Variants in CD2AP observed in about 807,000 individuals in gnomAD.
CD2AP encodes the protein CD2-associated protein.
CD2AP carries 46 observed loss-of-function variants against 85.1 expected under a neutral mutation model. That is an observed-to-expected ratio of 0.54 (90% CI 0.43 to 0.69). The LOEUF is 0.69. Among genes scored for constraint, CD2AP ranks in the 30% least tolerant of loss-of-function variants. CD2AP has a pLI of 0.00. For missense variants in CD2AP, 769 were observed against 729.5 expected, an observed-to-expected ratio of 1.05 and a Z score of -0.62; for synonymous variants, 255 against 252.9, an observed-to-expected ratio of 1.01 and a Z score of -0.08.
At chr6:47,561,616 T>C (rs1178197726) in intron 5 of CD2AP, among the ~76,000 whole-genome samples, 1 of 152,220 alleles carries the variant, frequency 6.6e-6, no homozygotes, top group East Asian at 1.9e-4. Context: ...CCCATACCTC[T>C]ACCCATATGT....
intron 11 of CD2AP, among the ~76,000 whole-genome samples, chr6:47,588,213 T>C (rs1768682641): frequency 6.6e-6 from 1 of 152,140 alleles, no homozygotes; most frequent in Non-Finnish European, 1.5e-5. Flanking sequence ...TTACCTACAC[T>C]ATTTAAAAGT....
Position 47,626,083 on chromosome 6 carries a change from GATCC to G in CD2AP, c.*1857_*1860del. The stretch of plus-strand genomic sequence containing the variant: ...TTCTCACCTGAAAATCTATTGAAGT[GATCC>G]CTGGTCATCCTAATAATGGGATGAG... On this transcript the variant is annotated 3_prime_UTR_variant, in exon 18 of 18. Coordinates refer to ENST00000359314, the MANE Select transcript of CD2AP (RefSeq NM_012120.3). The G allele has an allele frequency of 6.6e-6, 1 of 152,000 alleles. No individual in the cohort carries two copies. Among genetic ancestry groups the G allele is most frequent in the Middle Eastern group, 3.4e-3 (1 of 294 alleles). The allele number at this position is 152,000 out of a possible 1,614,324, so 9.4% of individuals were successfully genotyped here.
At chr6:47,607,450 C>G (rs1166543831) in intron 14 of CD2AP, among the ~76,000 whole-genome samples, 2 of 152,044 alleles carry the variant, frequency 1.3e-5, no homozygotes, top group African/African-American at 4.8e-5. Flanking sequence ...ATCTCCATAT[C>G]CTTGCCAGTA....
intron 11 of CD2AP, among the ~76,000 whole-genome samples, chr6:47,583,830 G>C (rs957283581): frequency 6.6e-6 from 1 of 152,118 alleles, no homozygotes; most frequent in Admixed American, 6.5e-5. Context: ...TTTTGTAGGC[G>C]CAACTGCCAA....
At chr6:47,517,465 A>AT (rs1391643596) in intron 2 of CD2AP, among the ~76,000 whole-genome samples, 2 of 151,222 alleles carry the variant, frequency 1.3e-5, no homozygotes, top group African/African-American at 4.9e-5. Context: ...TGTTTTTTCT[A>AT]TTTTTTGTGG....
chr6:47,569,590 T>A (rs566501591), intron 5 of CD2AP, among the ~76,000 whole-genome samples: 1 of 151,838 alleles, frequency 6.6e-6, no homozygotes, highest in South Asian at 2.1e-4. Context: ...TGATGGATTG[T>A]TCTTCAAGAG....
At chr6:47,484,635 T>G (rs1228588418) in intron 1 of CD2AP, among the ~76,000 whole-genome samples, 1 of 152,222 alleles carries the variant, frequency 6.6e-6, no homozygotes, top group Non-Finnish European at 1.5e-5. Flanking sequence ...TCCAGTAGAC[T>G]TGTATTTTAT....
At chr6:47,532,551 A>AT (rs951088283) in intron 2 of CD2AP, among the ~76,000 whole-genome samples, 1 of 151,130 alleles carries the variant, frequency 6.6e-6, no homozygotes, top group Non-Finnish European at 1.5e-5. Context: ...ATCTTTCCTC[A>AT]TTTTTTTCTG....
intron 3 of CD2AP, among the ~76,000 whole-genome samples, chr6:47,540,757 T>G (rs1767194428): frequency 6.6e-6 from 1 of 152,184 alleles, no homozygotes; most frequent in Non-Finnish European, 1.5e-5. Flanking sequence ...TTAAAATTCA[T>G]GAAAAAGAAA....
chr6:47,506,889 A>C (rs1176502153), intron 2 of CD2AP, among the ~76,000 whole-genome samples: 1 of 151,930 alleles, frequency 6.6e-6, no homozygotes, highest in Non-Finnish European at 1.5e-5. Flanking sequence ...ACAACAATGA[A>C]GTTTGCTGCA....
chr6:47,490,987 A>G (rs1765716180), intron 1 of CD2AP, among the ~76,000 whole-genome samples: 1 of 152,142 alleles, frequency 6.6e-6, no homozygotes, highest in African/African-American at 2.4e-5. Context: ...AATTTCTAAT[A>G]TATAATTAAA....
At chr6:47,513,525 A>G (rs1766371791) in intron 2 of CD2AP, among the ~76,000 whole-genome samples, 1 of 151,994 alleles carries the variant, frequency 6.6e-6, no homozygotes, top group African/African-American at 2.4e-5. Context: ...TTTTCACATA[A>G]TAAGTGGTAT....
At chr6:47,584,203 A>G (rs556163701) in intron 11 of CD2AP, among the ~76,000 whole-genome samples, 2 of 152,200 alleles carry the variant, frequency 1.3e-5, no homozygotes, top group Admixed American at 1.3e-4. Context: ...TTCTTCACAG[A>G]GCAGAAGTTT....
intron 4 of CD2AP, among the ~76,000 whole-genome samples, chr6:47,548,612 A>G (rs1314024624): frequency 1.3e-5 from 2 of 152,174 alleles, no homozygotes; most frequent in Non-Finnish European, 2.9e-5. Flanking sequence ...AATTCACACC[A>G]GAATTCTACC....
intron 2 of CD2AP, among the ~76,000 whole-genome samples, chr6:47,530,318 G>T (rs1766840409): frequency 1.3e-5 from 2 of 152,194 alleles, no homozygotes; most frequent in South Asian, 4.1e-4. Context: ...TAAAGATGCA[G>T]AGGCTCTATG....
chr6:47,594,167 T>C (rs2114127848), intron 11 of CD2AP, among the ~76,000 whole-genome samples: 1 of 152,166 alleles, frequency 6.6e-6, no homozygotes, highest in Non-Finnish European at 1.5e-5. Flanking sequence ...TTCTGGGGTG[T>C]TGGAAGTGTT....
intron 1 of CD2AP, among the ~76,000 whole-genome samples, chr6:47,494,384 T>C (rs1359127319): frequency 6.6e-6 from 1 of 152,206 alleles, no homozygotes; most frequent in Non-Finnish European, 1.5e-5. Context: ...CTCATTGATA[T>C]GGTGGTAGCA....
chr6:47,497,580 T>A (rs538281276), intron 1 of CD2AP, among the ~76,000 whole-genome samples: 1 of 152,124 alleles, frequency 6.6e-6, no homozygotes, highest in Admixed American at 6.5e-5. Flanking sequence ...CCTGACTACA[T>A]TTTTTTGGTA....
chr6:47,521,871 T>G (rs1405222862), intron 2 of CD2AP, among the ~76,000 whole-genome samples: 1 of 151,524 alleles, frequency 6.6e-6, no homozygotes, highest in African/African-American at 2.4e-5. Context: ...CAAAATTAGC[T>G]GGGCTTGGTG....
Sources: gnomAD v4.1 joint callset for allele counts (sites outside exome capture counted in the v4.1 genomes callset) on GRCh38, gnomAD v4.1.1 for gene constraint, MANE v1.5 for transcripts, NCBI Gene and HGNC (gene_info 2026-07-23, HGNC 2026-07-21) for gene names.